Variants in MIPOL1 observed in about 807,000 individuals in gnomAD.
The protein encoded by MIPOL1 is mirror-image polydactyly 1.
MIPOL1 carries 57 observed loss-of-function variants against 60.9 expected under a neutral mutation model. That is an observed-to-expected ratio of 0.94 (90% CI 0.76 to 1.17). The LOEUF is 1.17. Ranked by LOEUF, MIPOL1 falls within the 50% of genes most tolerant of loss-of-function variation. The pLI is 0.00. For synonymous variants in MIPOL1, 179 were observed against 168.8 expected (o/e 1.06, Z -0.47); for missense variants, 551 against 511.6 (o/e 1.08, Z -0.74).
chr14:37,388,298 T>G (rs1194925608), intron 10 of MIPOL1, among the ~76,000 whole-genome samples: 1 of 151,966 alleles, frequency 6.6e-6, no homozygotes, highest in Non-Finnish European at 1.5e-5. Flanking sequence ...AAAAATGCAT[T>G]AATACATTTG....
rs2095550706 is a variant in MIPOL1 at position 37,547,234 on chromosome 14, A to G, written c.*263A>G. 2 of 373,444 alleles carry G rather than the reference A, an allele frequency of 5.4e-6. No individual in the cohort carries two copies. Among genetic ancestry groups the G allele is most frequent in the Non-Finnish European group, 9.6e-6 (2 of 207,738 alleles). 23.1% of individuals were successfully genotyped at this position (373,444 alleles called of 1,614,324 possible). ...TTACAGCTTATTTTGTAACTATTTT[A>G]TATCTCAATATCTTTAATATAAATC... On this transcript the variant is annotated 3_prime_UTR_variant, in exon 13 of 13. Coordinates refer to ENST00000684589, the MANE Select transcript of MIPOL1 (RefSeq NM_001388067.1).
At chr14:37,351,356 C>T (rs1170167437) in intron 9 of MIPOL1, among the ~76,000 whole-genome samples, 1 of 145,306 alleles carries the variant, frequency 6.9e-6, no homozygotes, top group African/African-American at 2.5e-5. Context: ...GTGAATAATG[C>T]CGCAATAAAC....
chr14:37,549,098 A>AT lies in MIPOL1; in HGVS notation c.*2133dup, dbSNP rs1470014601. 1.3e-5 allele frequency: 2 copies of AT among 151,814 alleles called. No individual in the cohort carries two copies. The highest frequency in any genetic ancestry group is 2.4e-5 in the African/African-American group (1 of 41,396). 9.4% of individuals were successfully genotyped at this position (151,814 alleles called of 1,614,324 possible). A position where few individuals can be genotyped will look rare whatever the true frequency, so the allele number is the denominator to read the frequency against. ...ACAGTGTGTCAGATGGTCTTTATAT[A>AT]TTTTTTCTGTATGAAGGAATAGCCT... On this transcript the variant is annotated 3_prime_UTR_variant, in exon 13 of 13. Coordinates refer to ENST00000684589, the MANE Select transcript of MIPOL1 (RefSeq NM_001388067.1).
intron 3 of MIPOL1, chr14:37,265,343 T>C (rs1203632238): frequency 6.6e-6 from 1 of 152,168 alleles, no homozygotes; most frequent in Non-Finnish European, 1.5e-5. Context: ...AGCATAGTCC[T>C]TATTATACTG....
intron 10 of MIPOL1, chr14:37,400,048 C>T (rs2093453339): frequency 6.6e-6 from 1 of 152,016 alleles, no homozygotes; most frequent in Non-Finnish European, 1.5e-5. Context: ...TAAAATTTTG[C>T]CTGGAGAAGT....
intron 11 of MIPOL1, among the ~76,000 whole-genome samples, chr14:37,496,105 T>C (rs545504170): frequency 7.2e-5 from 11 of 152,196 alleles, no homozygotes; most frequent in African/African-American, 2.6e-4. Flanking sequence ...GGTAGTTTCT[T>C]TTGCTGTGCA....
At chr14:37,467,850 T>C (rs892115336) in intron 11 of MIPOL1, among the ~76,000 whole-genome samples, 1 of 151,886 alleles carries the variant, frequency 6.6e-6, no homozygotes, top group Admixed American at 6.6e-5. Flanking sequence ...GGTCAGGAGT[T>C]GAAGACCAGC....
chr14:37,470,554 G>T (rs1386941985), intron 11 of MIPOL1, among the ~76,000 whole-genome samples: 2 of 152,056 alleles, frequency 1.3e-5, no homozygotes, highest in Admixed American at 1.3e-4. Context: ...CTTTCGTCAT[G>T]CTTGTAAGTT....
At chr14:37,343,079 A>G (rs2090693793) in intron 9 of MIPOL1, among the ~76,000 whole-genome samples, 1 of 150,952 alleles carries the variant, frequency 6.6e-6, no homozygotes, top group Non-Finnish European at 1.5e-5. Context: ...TGCCTAATGG[A>G]TGCTCAATAA....
intron 12 of MIPOL1, among the ~76,000 whole-genome samples, chr14:37,509,598 T>C (rs1037263670): frequency 3.3e-5 from 5 of 151,686 alleles, no homozygotes; most frequent in South Asian, 2.1e-4. Context: ...ACATATATAG[T>C]ACAGATACAT....
At chr14:37,293,854 T>G (rs983312146) in intron 7 of MIPOL1, among the ~76,000 whole-genome samples, 3 of 152,290 alleles carry the variant, frequency 2.0e-5, no homozygotes, top group Non-Finnish European at 4.4e-5. Context: ...AAGGAGGCCT[T>G]CCTGCCTCTG....
intron 10 of MIPOL1, among the ~76,000 whole-genome samples, chr14:37,375,187 CT>C (rs1370985599): frequency 6.6e-6 from 1 of 151,712 alleles, no homozygotes; most frequent in Non-Finnish European, 1.5e-5. Context: ...TCTGTCTACC[CT>C]TTTTAATAAT....
rs200303566 is a variant in MIPOL1 at position 37,426,628 on chromosome 14, G to GTA, written c.1031+3691_1031+3692dup. Among the ~76,000 whole-genome samples, 904 of 104,516 alleles carry GTA rather than the reference G, an allele frequency of 8.6e-3. 11 individuals carry two copies. Among genetic ancestry groups the GTA allele is most frequent in the African/African-American group, 0.029 (831 of 28,318 alleles). 68.6% of individuals were successfully genotyped at this position (104,516 alleles called of 152,430 possible). Reference sequence around the variant, plus strand: ...ACATACATATATAATATGTATATATGTATATATATATATTATATATGTGTA... The same window carrying GTA: ...ACATACATATATAATATGTATATATGTATATATATATATATTATATATGTGTA... On this transcript the variant is annotated intron_variant, in intron 11 of 12. Transcript: ENST00000684589.
At chr14:37,398,232 G>A (rs985983721) in intron 10 of MIPOL1, among the ~76,000 whole-genome samples, 5 of 152,148 alleles carry the variant, frequency 3.3e-5, no homozygotes, top group African/African-American at 1.2e-4. Context: ...CCACAAAGTA[G>A]ACCTTCACTA....
chr14:37,355,047 G>A (rs1323284711), intron 9 of MIPOL1, among the ~76,000 whole-genome samples: 4 of 139,388 alleles, frequency 2.9e-5, no homozygotes, highest in Admixed American at 2.3e-4. Flanking sequence ...GGCTGGTACC[G>A]GTTGTCCTTT....
chr14:37,422,712 G>T, intron 10 of MIPOL1, 143 bp from the exon 11 acceptor site: 1 of 561,104 alleles, frequency 1.8e-6, no homozygotes, highest in Non-Finnish European at 3.2e-6. Flanking sequence ...CTATTTTCTG[G>T]TAACTTATGA....
chr14:37,378,415 G>A (rs2092834665), intron 10 of MIPOL1, among the ~76,000 whole-genome samples: 1 of 151,906 alleles, frequency 6.6e-6, no homozygotes, highest in Non-Finnish European at 1.5e-5. Context: ...CATTCTCAAA[G>A]GGTTAAATTT....
At chr14:37,234,434 ACCCACCTTGGCATCT>A (rs376648213) in intron 1 of MIPOL1, among the ~76,000 whole-genome samples, 1,748 of 147,764 alleles carry the variant, frequency 0.012, 19 homozygotes, top group Non-Finnish European at 0.019. Flanking sequence ...CAAGTGATCC[ACCCACCTTGGCATCT>A]CAACGTGCTG....
chr14:37,481,635 T>A (rs2094872859), intron 11 of MIPOL1, among the ~76,000 whole-genome samples: 1 of 117,668 alleles, frequency 8.5e-6, no homozygotes, highest in African/African-American at 3.5e-5. Flanking sequence ...GCCAAGGGAA[T>A]CATGAGCAAA....
Sources: gnomAD v4.1 joint callset for allele counts (sites outside exome capture counted in the v4.1 genomes callset) on GRCh38, gnomAD v4.1.1 for gene constraint, MANE v1.5 for transcripts, NCBI Gene and HGNC (gene_info 2026-07-23, HGNC 2026-07-21) for gene names.